DSTYK: variants seen among roughly 807,000 people sequenced by gnomAD.
DSTYK encodes RIP-homologous kinase.
A neutral mutation model predicts 98.7 loss-of-function variants in DSTYK; 34 were observed. The observed-to-expected ratio is 0.34, with a 90% CI of 0.26 to 0.46. The LOEUF (loss-of-function observed/expected upper bound fraction) is 0.46, where lower values mean the gene tolerates loss of function less well. Ranked by LOEUF, DSTYK falls within the 20% of genes least tolerant of loss-of-function variation. The pLI is 1.00. For synonymous variants in DSTYK, 462 were observed against 457.3 expected (o/e 1.01, Z -0.13); for missense variants, 962 against 1,181.7 (o/e 0.81, Z 2.73).
At position 205,154,486 on chromosome 1, in the gene DSTYK, A is replaced by T. The variant is rs150571027; in HGVS notation, c.2352+2787T>A. 6.5e-4 allele frequency among the ~76,000 whole-genome samples: 99 copies of T among 152,132 alleles called. 2 individuals are homozygous for T. In the East Asian group the frequency reaches 0.012, roughly 19 times the overall value. On this transcript the variant is annotated intron_variant, in intron 10 of 12. Transcript: ENST00000367162. Reference sequence around the variant, plus strand: ...CATGTTTGCTTCTTCCCCTTCCACTATGATGGTAAGCTTCCTGAGGCCTCT... The same window carrying T: ...CATGTTTGCTTCTTCCCCTTCCACTTTGATGGTAAGCTTCCTGAGGCCTCT...
Position 205,159,093 on chromosome 1 carries a change from T to A in DSTYK, c.2238+454A>T, listed in dbSNP as rs574154147. 1.4e-4 allele frequency among the ~76,000 whole-genome samples: 21 copies of A among 152,232 alleles called. No individual in the cohort carries two copies. In the South Asian group the frequency reaches 3.9e-3, roughly 29 times the overall value. On this transcript the variant is annotated intron_variant, in intron 9 of 12. Transcript: ENST00000367162. Reference sequence around the variant, plus strand: ...TTCTGATAAATCTTTAAAAATTTTTTTTTTTTATTTTTAGAGATAGGGTCT... The same window carrying A: ...TTCTGATAAATCTTTAAAAATTTTTATTTTTTATTTTTAGAGATAGGGTCT...
At chr1:205,152,503 A>G (rs1300664115) in intron 10 of DSTYK, among the ~76,000 whole-genome samples, 3 of 152,170 alleles carry the variant, frequency 2.0e-5, no homozygotes. Context: ...ATCGGACTAC[A>G]TCGTATATGT....
intron 2 of DSTYK, among the ~76,000 whole-genome samples, chr1:205,187,043 G>A (rs1048594865): frequency 3.3e-5 from 5 of 152,190 alleles, no homozygotes; most frequent in Admixed American, 3.3e-4. Context: ...TTAGAAAGAG[G>A]TAACTAGAGA....
chr1:205,199,080 T>C (rs1473779559), intron 1 of DSTYK, among the ~76,000 whole-genome samples: 1 of 152,160 alleles, frequency 6.6e-6, no homozygotes, highest in African/African-American at 2.4e-5. Flanking sequence ...AACCTAGACA[T>C]AATTATTTGG....
At chr1:205,160,525 G>A (rs182339657) in intron 7 of DSTYK, among the ~76,000 whole-genome samples, 1 of 147,490 alleles carries the variant, frequency 6.8e-6, no homozygotes, top group Admixed American at 6.6e-5. Context: ...TATTAGAGAC[G>A]GGGTTTTGCC....
chr1:205,196,121 T>C (rs1658858663), intron 1 of DSTYK, among the ~76,000 whole-genome samples: 1 of 152,158 alleles, frequency 6.6e-6, no homozygotes, highest in African/African-American at 2.4e-5. Flanking sequence ...GGGGACAATT[T>C]ATGCATAAAA....
At chr1:205,204,498 A>G (rs1659145488) in intron 1 of DSTYK, among the ~76,000 whole-genome samples, 1 of 151,946 alleles carries the variant, frequency 6.6e-6, no homozygotes, top group Non-Finnish European at 1.5e-5. Context: ...TCAAACAGCC[A>G]TATATATTTA....
chr1:205,198,105 A>G (rs1658919503), intron 1 of DSTYK, among the ~76,000 whole-genome samples: 1 of 152,150 alleles, frequency 6.6e-6, no homozygotes, highest in Non-Finnish European at 1.5e-5. Context: ...AGGCAGAAGA[A>G]TCGCTTGAAC....
chr1:205,183,212 G>C (rs557825563), intron 2 of DSTYK, among the ~76,000 whole-genome samples: 23 of 152,292 alleles, frequency 1.5e-4, no homozygotes, highest in African/African-American at 4.8e-4. Context: ...AGGAAAGGCA[G>C]GAGGGTGGGG....
At chr1:205,175,879 A>G (rs955472896) in intron 2 of DSTYK, among the ~76,000 whole-genome samples, 1 of 152,184 alleles carries the variant, frequency 6.6e-6, no homozygotes, top group Admixed American at 6.5e-5. Flanking sequence ...ATGATGCTCA[A>G]AGCCACTTTC....
chr1:205,172,578 G>A (rs977422796), intron 2 of DSTYK, among the ~76,000 whole-genome samples: 2 of 151,714 alleles, frequency 1.3e-5, no homozygotes, highest in Non-Finnish European at 2.9e-5. Flanking sequence ...GCCTCCCAAA[G>A]TGCTGAGATT....
chr1:205,170,892 G>C (rs1238222622), intron 2 of DSTYK, among the ~76,000 whole-genome samples: 3 of 152,064 alleles, frequency 2.0e-5, no homozygotes, highest in Admixed American at 6.6e-5. Context: ...TCACTCAGCA[G>C]CCCTAAGGCA....
intron 1 of DSTYK, among the ~76,000 whole-genome samples, chr1:205,204,017 G>A (rs1659128451): frequency 6.6e-6 from 1 of 152,194 alleles, no homozygotes; most frequent in East Asian, 1.9e-4. Flanking sequence ...GGGAAAGGGT[G>A]CAAAGAGCCA....
rs1181492603 is a variant in DSTYK, at chr1:205,145,815, CT to C, written c.*1742del. Reference sequence around the variant, plus strand: ...GATGGAGGGAGACTACTCACTTCCACTGTCTACTTCCTCGTCTACCTGTTTT... The same window carrying C: ...GATGGAGGGAGACTACTCACTTCCACGTCTACTTCCTCGTCTACCTGTTTT... On this transcript the variant is annotated 3_prime_UTR_variant, in exon 13 of 13. Transcript: ENST00000367162. 10 of 152,350 alleles carry C rather than the reference CT, an allele frequency of 6.6e-5. No individual in the cohort carries two copies. Among genetic ancestry groups the C allele is most frequent in the Admixed American group, 5.9e-4 (9 of 15,298 alleles). The allele number at this position is 152,350 out of a possible 1,614,324, so 9.4% of individuals were successfully genotyped here.
rs1198133243 is a variant in DSTYK, at chr1:205,146,909, T to TG, written c.*648dup. On this transcript the variant is annotated 3_prime_UTR_variant, in exon 13 of 13. Coordinates refer to ENST00000367162, the MANE Select transcript of DSTYK (RefSeq NM_015375.3). ...TTTTCCTCTTTTCAGGGCCTCTTGG[T>TG]GATGTAACAGTGAAACCCTCCCCCA... 1.3e-5 allele frequency: 2 copies of TG among 149,098 alleles called. No individual in the cohort carries two copies. Among genetic ancestry groups the TG allele is most frequent in the Admixed American group, 1.4e-4 (2 of 14,790 alleles). 9.2% of individuals were successfully genotyped at this position (149,098 alleles called of 1,614,324 possible). A position where few individuals can be genotyped will look rare whatever the true frequency, so the allele number is the denominator to read the frequency against.
At chr1:205,194,381 C>A (rs977521644) in intron 1 of DSTYK, among the ~76,000 whole-genome samples, 2 of 152,126 alleles carry the variant, frequency 1.3e-5, no homozygotes, top group East Asian at 1.9e-4. Context: ...GAAGGCACTA[C>A]AAAAGTTGGT....
At chr1:205,198,058 T>C (rs1344696570) in intron 1 of DSTYK, among the ~76,000 whole-genome samples, 2 of 152,116 alleles carry the variant, frequency 1.3e-5, no homozygotes, top group Admixed American at 1.3e-4. Flanking sequence ...CTGGGCGTGG[T>C]GGCACATGCC....
chr1:205,173,085 T>A (rs1195524748), intron 2 of DSTYK: 1 of 151,862 alleles, frequency 6.6e-6, no homozygotes, highest in Non-Finnish European at 1.5e-5. Flanking sequence ...AGATAAAGAC[T>A]AAAAGGAAAG....
chr1:205,186,571 G>A (rs1239448023), intron 2 of DSTYK, among the ~76,000 whole-genome samples: 2 of 152,094 alleles, frequency 1.3e-5, no homozygotes, highest in African/African-American at 2.4e-5. Flanking sequence ...ATCCTTCCTG[G>A]CACAGTTAAC....
Sources: gnomAD v4.1 joint callset for allele counts (sites outside exome capture counted in the v4.1 genomes callset) on GRCh38, gnomAD v4.1.1 for gene constraint, MANE v1.5 for transcripts, NCBI Gene and HGNC (gene_info 2026-07-23, HGNC 2026-07-21) for gene names.